Variants in SLC8A1 observed in about 807,000 individuals in gnomAD.
SLC8A1 encodes solute carrier family 8 member A1.
A neutral mutation model predicts 68.3 loss-of-function variants in SLC8A1; 18 were observed. That is an observed-to-expected ratio of 0.26 (90% CI 0.18 to 0.39). The LOEUF is 0.39. Ranked by LOEUF, SLC8A1 falls within the 10% of genes least tolerant of loss-of-function variation. The pLI is 1.00. For synonymous variants in SLC8A1, 475 were observed against 415.5 expected, an observed-to-expected ratio of 1.14 and a Z score of -1.74; for missense variants, 985 against 1,156.7, an observed-to-expected ratio of 0.85 and a Z score of 2.15.
At chr2:40,253,831 CAAAAAAAA>C (rs61434245) in intron 2 of SLC8A1, among the ~76,000 whole-genome samples, 52 of 59,824 alleles carry the variant, frequency 8.7e-4, no homozygotes, top group South Asian at 4.0e-3. Flanking sequence ...TGTCTGTCTC[CAAAAAAAA>C]AAAAAAAAAA....
intron 2 of SLC8A1, among the ~76,000 whole-genome samples, chr2:40,262,965 G>A (rs2064900588): frequency 6.6e-6 from 1 of 152,182 alleles, no homozygotes; most frequent in Non-Finnish European, 1.5e-5. Context: ...TTAGCAAATG[G>A]CCCTCCCGTA....
chr2:40,507,270 C>T (rs982889118), intron 1 of SLC8A1, among the ~76,000 whole-genome samples: 14 of 151,848 alleles, frequency 9.2e-5, no homozygotes, highest in Non-Finnish European at 5.9e-5. Context: ...TTAAACATTT[C>T]AACATACGTT....
At chr2:40,232,052 GA>G (rs1386258462) in intron 2 of SLC8A1, among the ~76,000 whole-genome samples, 54 of 152,076 alleles carry the variant, frequency 3.6e-4, no homozygotes, top group Non-Finnish European at 7.4e-5. Flanking sequence ...AGCAGGCCAG[GA>G]AGATTTTAGC....
At chr2:40,154,708 C>T (rs1176508913) in intron 6 of SLC8A1, among the ~76,000 whole-genome samples, 2 of 151,936 alleles carry the variant, frequency 1.3e-5, no homozygotes, top group Admixed American at 1.3e-4. Context: ...TACTCTGTAG[C>T]CTAGGCAGTC....
At chr2:40,450,562 A>T (rs1702256751) in intron 1 of SLC8A1, among the ~76,000 whole-genome samples, 1 of 152,186 alleles carries the variant, frequency 6.6e-6, no homozygotes, top group Non-Finnish European at 1.5e-5. Flanking sequence ...ACTCAGCTAG[A>T]GGCTCCTCCA....
chr2:40,294,196 A>G (rs1042997206), intron 2 of SLC8A1, among the ~76,000 whole-genome samples: 2 of 152,168 alleles, frequency 1.3e-5, no homozygotes, highest in African/African-American at 2.4e-5. Flanking sequence ...TCACAAGTGC[A>G]TAAAGATTTT....
chr2:40,323,920 T>A (rs1239573354), intron 2 of SLC8A1, among the ~76,000 whole-genome samples: 1 of 152,086 alleles, frequency 6.6e-6, no homozygotes, highest in East Asian at 1.9e-4. Context: ...ATTATAAGAA[T>A]TTTTTAAAGT....
rs1184924927 is a variant in SLC8A1 at position 40,463,829 on chromosome 2, C to CACACACACAT, written c.-24-33535_-24-33526dup. ...GGATTAAAGAGGATATATACATACA[C>CACACACACAT]ACACACACATACACACACACACACA... is the stretch of plus-strand genomic sequence containing the variant. On this transcript the variant is annotated intron_variant, in intron 1 of 7. Transcript: ENST00000402441. 3.2e-3 allele frequency among the ~76,000 whole-genome samples: 410 copies of CACACACACAT among 130,040 alleles called. 5 individuals are homozygous for CACACACACAT. Among genetic ancestry groups the CACACACACAT allele is most frequent in the African/African-American group, 0.011 (376 of 33,376 alleles). The allele number at this position is 130,040 out of a possible 152,430, so 85.3% of individuals were successfully genotyped here. A position where few individuals can be genotyped will look rare whatever the true frequency, so the allele number is the denominator to read the frequency against.
intron 2 of SLC8A1, among the ~76,000 whole-genome samples, chr2:40,196,686 C>A (rs1314733692): frequency 6.6e-6 from 1 of 151,978 alleles, no homozygotes; most frequent in Non-Finnish European, 1.5e-5. Flanking sequence ...GGCTTAACAG[C>A]AAATATCATT....
At position 40,291,634 on chromosome 2, in the gene SLC8A1, G is replaced by A. The variant is rs1431649984; in HGVS notation, c.1809-113779C>T. Among the ~76,000 whole-genome samples, 3 of 152,044 alleles carry A rather than the reference G, an allele frequency of 2.0e-5. No homozygotes were observed. The East Asian group carries it at 5.8e-4, about 29-fold the overall frequency. ...TTGAAAATGCCACATGAGCAAACTT[G>A]CCCACCTGCCAGTCCAGAGAAGTAC... On this transcript the variant is annotated intron_variant, in intron 2 of 7. Transcript: ENST00000406785.
chr2:40,382,536 C>T (rs1682191385), intron 2 of SLC8A1, among the ~76,000 whole-genome samples: 2 of 152,072 alleles, frequency 1.3e-5, no homozygotes, highest in African/African-American at 2.4e-5. Context: ...CTTGTAAGTA[C>T]TAATAAACAC....
intron 2 of SLC8A1, among the ~76,000 whole-genome samples, chr2:40,334,809 T>C (rs1463487294): frequency 1.3e-5 from 2 of 152,116 alleles, no homozygotes; most frequent in Non-Finnish European, 2.9e-5. Context: ...AAAATAAATA[T>C]ATTAAAGAAG....
At chr2:40,170,444 A>G in intron 4 of SLC8A1, 95 bp from the exon 7 acceptor site, 4 of 1,024,718 alleles carry the variant, frequency 3.9e-6, no homozygotes, top group Non-Finnish European at 6.1e-6. Context: ...TCACACCCAG[A>G]TGCACACATC....
At chr2:40,321,450 G>A (rs764772056) in intron 2 of SLC8A1, among the ~76,000 whole-genome samples, 1 of 151,802 alleles carries the variant, frequency 6.6e-6, no homozygotes, top group African/African-American at 2.4e-5. Context: ...TAACGCATGG[G>A]GTCTGTGGGT....
At chr2:40,240,121 G>A (rs968790453) in intron 2 of SLC8A1, among the ~76,000 whole-genome samples, 3 of 152,150 alleles carry the variant, frequency 2.0e-5, no homozygotes, top group African/African-American at 7.2e-5. Context: ...ATATCATTTT[G>A]TGCACACAGT....
intron 7 of SLC8A1, among the ~76,000 whole-genome samples, chr2:40,125,007 G>T (rs1322415541): frequency 1.3e-5 from 2 of 152,206 alleles, no homozygotes; most frequent in East Asian, 3.9e-4. Flanking sequence ...GTAGATGGTG[G>T]TGAGATGGCA....
intron 1 of SLC8A1, among the ~76,000 whole-genome samples, chr2:40,494,554 T>C (rs113415854): frequency 0.012 from 1,837 of 149,860 alleles, 42 homozygotes; most frequent in African/African-American, 0.043. Flanking sequence ...GTATTTCTAG[T>C]TCTAGATCCC....
chr2:40,119,771 A>G (rs915869819), intron 7 of SLC8A1, among the ~76,000 whole-genome samples: 4 of 152,156 alleles, frequency 2.6e-5, no homozygotes, highest in South Asian at 2.1e-4. Flanking sequence ...AGTTTTTGCT[A>G]TTAACTCCCA....
At chr2:40,500,966 C>T (rs1275420029) in intron 1 of SLC8A1, among the ~76,000 whole-genome samples, 1 of 151,900 alleles carries the variant, frequency 6.6e-6, no homozygotes. Context: ...TCTCAAAGAC[C>T]TAGTGATTTA....
Sources: gnomAD v4.1 joint callset for allele counts (sites outside exome capture counted in the v4.1 genomes callset) on GRCh38, gnomAD v4.1.1 for gene constraint, MANE v1.5 for transcripts, NCBI Gene and HGNC (gene_info 2026-07-23, HGNC 2026-07-21) for gene names.